Variants in ARHGEF18 observed in about 807,000 individuals in gnomAD.
ARHGEF18 encodes the protein rho guanine nucleotide exchange factor 18.
ARHGEF18 carries 93 observed loss-of-function variants against 155.7 expected under a neutral mutation model. The observed-to-expected ratio is 0.60, with a 90% CI of 0.50 to 0.71. ARHGEF18 has a LOEUF of 0.71. Among genes scored for constraint, ARHGEF18 ranks in the 30% least tolerant of loss-of-function variants. The probability of loss-of-function intolerance (pLI) is 0.00; values close to 1 mark genes in which losing one functional copy is unlikely to be tolerated. For missense variants in ARHGEF18, 1,593 were observed against 1,816.1 expected (o/e 0.88, Z 2.23); for synonymous variants, 742 against 753.1 (o/e 0.99, Z 0.24).
chr19:7,368,907 G>A (rs573141922), intron 2 of ARHGEF18, among the ~76,000 whole-genome samples: 1 of 151,236 alleles, frequency 6.6e-6, no homozygotes, highest in Non-Finnish European at 1.5e-5. Context: ...GTGATCAAAA[G>A]GCAGAGGGAG....
intron 1 of ARHGEF18, among the ~76,000 whole-genome samples, chr19:7,354,545 C>T (rs1250415772): frequency 1.3e-5 from 2 of 152,130 alleles, no homozygotes; most frequent in African/African-American, 4.8e-5. Flanking sequence ...GCTTCCACCA[C>T]GAGGGGGCAG....
At position 7,463,563 on chromosome 19, in the gene ARHGEF18, C is replaced by T. The variant is rs1026691250; in HGVS notation, c.2636-255C>T. Among the ~76,000 whole-genome samples, 5 of 152,210 alleles carry T rather than the reference C, an allele frequency of 3.3e-5. No homozygotes were observed. The highest frequency in any genetic ancestry group is 7.3e-5 in the Non-Finnish European group (5 of 68,032). The stretch of plus-strand genomic sequence containing the variant: ...TGGAAGGAGCTGCAGGAGCCTGTAC[C>T]CGCCCTCCCCATGGCTGCCCCACAG... On this transcript the variant is annotated intron_variant, in intron 21 of 28. Transcript: ENST00000668164. The surrounding 1 kb of genome is among the most constrained non-coding windows in gnomAD (Gnocchi z 5.2).
Position 7,441,925 on chromosome 19 carries a change from C to G in ARHGEF18, c.1233C>G (p.Ala411=), listed in dbSNP as rs764138815. The G allele has an allele frequency of 2.0e-5, 32 of 1,614,084 alleles. No homozygotes were observed. In the South Asian group the frequency reaches 3.4e-4, roughly 17 times the overall value. The part of the protein sequence containing the change: ...ESIFVEDPYT[A]SLRSEIESDG... ...CTCTTCCCTCAGATCCCTACACCGCCTCGCTGAGGAGTGAGATTGAGTCAG... is the reference window on the plus strand; with the variant it reads ...CTCTTCCCTCAGATCCCTACACCGCGTCGCTGAGGAGTGAGATTGAGTCAG... The change falls in exon 13 of 29, where the codon GCC becomes GCG. Residue 411 remains alanine, a synonymous_variant. Coordinates refer to ENST00000668164, the MANE Select transcript of ARHGEF18 (RefSeq NM_001367823.1).
chr19:7,399,771 G>A (rs899468420), intron 10 of ARHGEF18, among the ~76,000 whole-genome samples: 12 of 141,998 alleles, frequency 8.5e-5, no homozygotes, highest in Non-Finnish European at 1.2e-4. Context: ...GAGCCACCAC[G>A]CCTTTTTTTT....
intron 5 of ARHGEF18, among the ~76,000 whole-genome samples, chr19:7,377,715 G>A (rs1308954219): frequency 6.6e-6 from 1 of 151,450 alleles, no homozygotes; most frequent in Non-Finnish European, 1.5e-5. Context: ...TTAAACCCAG[G>A]AGGTCAAGGC....
At chr19:7,382,467 G>A (rs774233008) in intron 8 of ARHGEF18, among the ~76,000 whole-genome samples, 7 of 151,700 alleles carry the variant, frequency 4.6e-5, no homozygotes, top group Non-Finnish European at 7.4e-5. Context: ...GGTGGGGGGC[G>A]TGAATTAGAG....
chr19:7,367,774 C>T (rs1467157443), intron 2 of ARHGEF18, among the ~76,000 whole-genome samples: 57 of 61,398 alleles, frequency 9.3e-4, no homozygotes, highest in East Asian at 4.6e-3. Flanking sequence ...TATATATATA[C>T]ACATATATAT....
rs1451508080 is a variant in ARHGEF18 at position 7,468,905 on chromosome 19, G to A, written c.3561G>A (p.Val1187=). The A allele has an allele frequency of 6.3e-7, 1 of 1,575,840 alleles. No homozygotes were observed. Residue 1187 remains valine, a synonymous_variant, in exon 27 of 29, where the codon GTG becomes GTA. Transcript: ENST00000668164. ...GTGTGAGCATGCTGCCATCCGGCGT[G>A]GGGCCAGAGTACGCAGAGCGCCCCG... ...GPRVSMLPSG[V]GPEYAERPEV...
chr19:7,358,547 C>G (rs1410606471), intron 1 of ARHGEF18, among the ~76,000 whole-genome samples: 1 of 146,658 alleles, frequency 6.8e-6, no homozygotes, highest in Non-Finnish European at 1.5e-5. Flanking sequence ...CAACCATCCA[C>G]TCACCCATCC....
chr19:7,421,473 A>C (rs1208751223), intron 10 of ARHGEF18, among the ~76,000 whole-genome samples: 1 of 152,118 alleles, frequency 6.6e-6, no homozygotes, highest in Non-Finnish European at 1.5e-5. Context: ...AGATATCCCC[A>C]GCTTTGGCCG....
Position 7,409,305 on chromosome 19 carries a change from G to A in ARHGEF18, c.967+26102G>A, listed in dbSNP as rs948877522. On this transcript the variant is annotated intron_variant, in intron 10 of 28. Transcript: ENST00000668164. ...TGATCTCCTGACCTTGTGATCCACC[G>A]CGTCCGGCCGACCCTGTTTCTTAAA... Among the ~76,000 whole-genome samples, 271 of 132,860 alleles carry A rather than the reference G, an allele frequency of 2.0e-3. 1 individual carries two copies. Among genetic ancestry groups the A allele is most frequent in the Non-Finnish European group, 3.3e-3 (211 of 64,464 alleles). 87.2% of individuals were successfully genotyped at this position (132,860 alleles called of 152,430 possible).
intron 1 of ARHGEF18, among the ~76,000 whole-genome samples, chr19:7,358,897 T>C (rs1969433913): frequency 6.6e-6 from 1 of 152,150 alleles, no homozygotes; most frequent in Non-Finnish European, 1.5e-5. Flanking sequence ...CTTTTGGAGC[T>C]TGGGGATGTA....
intron 10 of ARHGEF18, among the ~76,000 whole-genome samples, chr19:7,415,987 G>A (rs1329508738): frequency 6.6e-6 from 1 of 152,190 alleles, no homozygotes; most frequent in Non-Finnish European, 1.5e-5. Context: ...GGCTGAGCGA[G>A]GCGACACTCC....
At chr19:7,373,370 C>T (rs1025053145) in intron 3 of ARHGEF18, among the ~76,000 whole-genome samples, 4 of 151,906 alleles carry the variant, frequency 2.6e-5, no homozygotes, top group Non-Finnish European at 5.9e-5. Context: ...GTGGGAGCCC[C>T]GAGCTTGTTT....
intron 18 of ARHGEF18, among the ~76,000 whole-genome samples, chr19:7,456,707 C>A (rs1975849755): frequency 6.6e-6 from 1 of 152,172 alleles, no homozygotes; most frequent in African/African-American, 2.4e-5. Context: ...CGCCACTGCT[C>A]TCCCGCCTGG....
chr19:7,459,388 A>AT (rs562643917), intron 19 of ARHGEF18, among the ~76,000 whole-genome samples: 94 of 151,854 alleles, frequency 6.2e-4, no homozygotes, highest in African/African-American at 2.2e-3. Context: ...ACCCAGCTAG[A>AT]TTTTTTATTT....
rs11301630 is a variant in ARHGEF18 at position 7,430,368 on chromosome 19, A to AT, written c.968-9960dup. On this transcript the variant is annotated intron_variant, in intron 10 of 28. Transcript: ENST00000668164. Reference sequence around the variant, plus strand: ...AGGCATACACTACCATGCCTGGCTAATTTTTTTTTTTTTTTTGACAGATGA... The same window carrying AT: ...AGGCATACACTACCATGCCTGGCTAATTTTTTTTTTTTTTTTTGACAGATGA... 1.4e-3 allele frequency among the ~76,000 whole-genome samples: 207 copies of AT among 143,724 alleles called. 1 individual carries two copies. The highest frequency in any genetic ancestry group is 7.7e-3 in the Admixed American group (111 of 14,376). The allele number at this position is 143,724 out of a possible 152,430, so 94.3% of individuals were successfully genotyped here. A position where few individuals can be genotyped will look rare whatever the true frequency, so the allele number is the denominator to read the frequency against.
chr19:7,427,174 A>G (rs1261034722), intron 10 of ARHGEF18, among the ~76,000 whole-genome samples: 1 of 152,142 alleles, frequency 6.6e-6, no homozygotes, highest in Non-Finnish European at 1.5e-5. Context: ...TTAGGGCCCA[A>G]TTCACCGCAG....
At chr19:7,371,049 T>A (rs180946494) in intron 2 of ARHGEF18, among the ~76,000 whole-genome samples, 69 of 152,246 alleles carry the variant, frequency 4.5e-4, no homozygotes, top group African/African-American at 1.4e-3. Context: ...TAGCTGGGAC[T>A]ACAGGAGCCT....
Sources: gnomAD v4.1 joint callset for allele counts (sites outside exome capture counted in the v4.1 genomes callset) on GRCh38, gnomAD v4.1.1 for gene constraint, Gnocchi (gnomAD v3.1) non-coding constraint, MANE v1.5 for transcripts, NCBI Gene and HGNC (gene_info 2026-07-23, HGNC 2026-07-21) for gene names.